Variants in ABLIM3 observed in about 807,000 individuals in gnomAD.
ABLIM3 encodes the protein actin binding LIM protein family member 3.
ABLIM3 carries 61 observed loss-of-function variants against 109.5 expected under a neutral mutation model. That is an observed-to-expected ratio of 0.56 (90% CI 0.45 to 0.69). The LOEUF (loss-of-function observed/expected upper bound fraction) is 0.69. ABLIM3 is among the 30% of genes least tolerant of loss of function. The pLI is 0.00. For synonymous variants in ABLIM3, 300 were observed against 324.8 expected, an observed-to-expected ratio of 0.92 and a Z score of 0.82; for missense variants, 796 against 889.5, an observed-to-expected ratio of 0.89 and a Z score of 1.34.
intron 11 of ABLIM3, among the ~76,000 whole-genome samples, chr5:149,238,736 T>C (rs1205812789): frequency 6.6e-6 from 1 of 152,226 alleles, no homozygotes; most frequent in Non-Finnish European, 1.5e-5. Flanking sequence ...ACTGCTGCCC[T>C]CTTCAGTCGA....
chr5:149,165,028 T>G (rs941526681), intron 2 of ABLIM3, among the ~76,000 whole-genome samples: 9 of 152,204 alleles, frequency 5.9e-5, no homozygotes, highest in African/African-American at 2.2e-4. Flanking sequence ...GGAGGACACA[T>G]TTCATTCCAA....
intron 6 of ABLIM3, among the ~76,000 whole-genome samples, chr5:149,209,366 G>A (rs773624219): frequency 6.6e-6 from 1 of 152,208 alleles, no homozygotes. Context: ...AGATGCCCAG[G>A]ATAGAAGCGC....
At chr5:149,225,751 T>C (rs1257383528) in intron 8 of ABLIM3, among the ~76,000 whole-genome samples, 1 of 151,998 alleles carries the variant, frequency 6.6e-6, no homozygotes, top group African/African-American at 2.4e-5. Context: ...GTGTCATTCT[T>C]ATGCTTTTGC....
At chr5:149,190,695 CTG>C (rs1757402654) in intron 3 of ABLIM3, among the ~76,000 whole-genome samples, 1 of 151,988 alleles carries the variant, frequency 6.6e-6, no homozygotes, top group African/African-American at 2.4e-5. Flanking sequence ...AAAACAAAAA[CTG>C]TTAAAATAAA....
intron 2 of ABLIM3, among the ~76,000 whole-genome samples, chr5:149,160,421 GCA>G (rs1561540120): frequency 1.3e-5 from 1 of 76,360 alleles, no homozygotes; most frequent in Non-Finnish European, 3.1e-5. Context: ...TTGCACATCT[GCA>G]CTCTAGTCTG....
Position 149,198,639 on chromosome 5 carries a change from C to T in ABLIM3, c.335+237C>T, listed in dbSNP as rs1172108325. 1.3e-5 allele frequency among the ~76,000 whole-genome samples: 2 copies of T among 152,176 alleles called. No individual in the cohort carries two copies. The highest frequency in any genetic ancestry group is 2.9e-5 in the Non-Finnish European group (2 of 68,030). ...ACACTGGTTTGTCCTGTGATAGAGG[C>T]AGAGTGAGGATCTGTACCTCTAAAC... On this transcript the variant is annotated intron_variant, in intron 4 of 23. Transcript: ENST00000309868. The surrounding 1 kb of genome is among the most constrained non-coding windows in gnomAD (Gnocchi z 4.2).
At chr5:149,193,049 C>T (rs1335752937) in intron 3 of ABLIM3, among the ~76,000 whole-genome samples, 4 of 152,054 alleles carry the variant, frequency 2.6e-5, no homozygotes, top group East Asian at 1.9e-4. Flanking sequence ...CAGACAAATG[C>T]AATGTATGAA....
intron 2 of ABLIM3, among the ~76,000 whole-genome samples, chr5:149,179,431 T>C (rs1232395230): frequency 6.6e-6 from 1 of 152,334 alleles, no homozygotes; most frequent in East Asian, 1.9e-4. Flanking sequence ...GTGTGTGATT[T>C]CTTTAAAAAT....
intron 8 of ABLIM3, chr5:149,219,571 G>A (rs746117820): frequency 6.6e-5 from 10 of 152,214 alleles, no homozygotes; most frequent in South Asian, 2.1e-4. Context: ...CTGGCCTTGC[G>A]TCTCCCCTCC....
intron 10 of ABLIM3, 148 bp downstream of exon 10, chr5:149,233,448 G>A (rs753577866): frequency 1.2e-6 from 1 of 831,300 alleles, no homozygotes; most frequent in East Asian, 2.6e-5. Flanking sequence ...ACCAGGTCTT[G>A]AGGATCCAGT....
chr5:149,255,567 G>A (rs1175996574), intron 23 of ABLIM3, among the ~76,000 whole-genome samples: 1 of 152,176 alleles, frequency 6.6e-6, no homozygotes, highest in Non-Finnish European at 1.5e-5. Context: ...CATCAGATTT[G>A]GTCTCATTGG....
chr5:149,245,498 CAGT>C (rs1161666517), intron 16 of ABLIM3, among the ~76,000 whole-genome samples: 1 of 152,114 alleles, frequency 6.6e-6, no homozygotes, highest in Non-Finnish European at 1.5e-5. Flanking sequence ...GGAAGAGAAG[CAGT>C]AGAGGTGAGG....
chr5:149,236,894 A>G lies in ABLIM3; in HGVS notation c.889-554A>G, dbSNP rs1203809562. ...GTATGGATGAACTGGGTTAATCTAT[A>G]TAAGGGACTTGGTACAGAGCCTGGC... On this transcript the variant is annotated intron_variant, in intron 10 of 23. Coordinates refer to ENST00000309868, the MANE Select transcript of ABLIM3 (RefSeq NM_014945.5). Among the ~76,000 whole-genome samples, 8 of 152,250 alleles carry G rather than the reference A, an allele frequency of 5.3e-5. 1 individual carries two copies. The highest frequency in any genetic ancestry group is 8.8e-5 in the Non-Finnish European group (6 of 68,048).
At chr5:149,180,621 A>G (rs930484178) in intron 2 of ABLIM3, among the ~76,000 whole-genome samples, 1 of 152,182 alleles carries the variant, frequency 6.6e-6, no homozygotes, top group Admixed American at 6.5e-5. Flanking sequence ...AAGAACTCAC[A>G]CCAACTGTAT....
intron 5 of ABLIM3, among the ~76,000 whole-genome samples, chr5:149,205,842 C>A (rs1758912593): frequency 6.6e-6 from 1 of 152,186 alleles, no homozygotes; most frequent in African/African-American, 2.4e-5. Flanking sequence ...ACAAACACTT[C>A]ATCAAGGCCC....
At chr5:149,246,448 C>T (rs376048193) in intron 16 of ABLIM3, 34 bp from the exon 17 acceptor site, 20 of 1,607,094 alleles carry the variant, frequency 1.2e-5, no homozygotes, top group Admixed American at 8.5e-5. Flanking sequence ...GTGGGGTGCA[C>T]ATGCCGGAGC....
At chr5:149,247,393 T>C (rs778960954) in intron 17 of ABLIM3, among the ~76,000 whole-genome samples, 4 of 152,194 alleles carry the variant, frequency 2.6e-5, no homozygotes, top group Non-Finnish European at 2.9e-5. Flanking sequence ...TCCACAACAT[T>C]GTGAATGCAC....
Position 149,183,524 on chromosome 5 carries a change from C to G in ABLIM3, c.86C>G (p.Thr29Ser). 21 of 1,600,162 alleles carry G rather than the reference C, an allele frequency of 1.3e-5. No homozygotes were observed. Among genetic ancestry groups the G allele is most frequent in the Non-Finnish European group, 1.8e-5 (21 of 1,173,758 alleles). The change falls in exon 3 of 24, where the codon ACC (threonine) becomes AGC (serine). Residue 29 changes from threonine to serine, a missense_variant. Transcript: ENST00000309868. Reference protein sequence around the residue: ...NVIQCYRCGDTCKGEVVRVHN... With the variant: ...NVIQCYRCGDSCKGEVVRVHN... ...ATCCAGTGCTACCGCTGTGGAGACACCTGCAAAGGGGAAGTGGTCCGCGTG... is the reference window on the plus strand; with the variant it reads ...ATCCAGTGCTACCGCTGTGGAGACAGCTGCAAAGGGGAAGTGGTCCGCGTG...
chr5:149,192,028 T>C (rs1447429725), intron 3 of ABLIM3, among the ~76,000 whole-genome samples: 1 of 152,068 alleles, frequency 6.6e-6, no homozygotes, highest in African/African-American at 2.4e-5. Flanking sequence ...AAGAAAGCTG[T>C]CATAATTGAT....
Sources: gnomAD v4.1 joint callset for allele counts (sites outside exome capture counted in the v4.1 genomes callset) on GRCh38, gnomAD v4.1.1 for gene constraint, Gnocchi (gnomAD v3.1) non-coding constraint, MANE v1.5 for transcripts, NCBI Gene and HGNC (gene_info 2026-07-23, HGNC 2026-07-21) for gene names.